The following LSAMP variants were observed in gnomAD, a reference collection of about 807,000 sequenced individuals.
LSAMP encodes the protein limbic system-associated membrane protein.
A neutral mutation model predicts 38.6 loss-of-function variants in LSAMP; 7 were observed. The ratio of observed to expected loss-of-function variants is 0.18; its 90% CI spans 0.10 to 0.34. The LOEUF (loss-of-function observed/expected upper bound fraction) is 0.34. LSAMP is among the 10% of genes least tolerant of loss of function. The pLI is 1.00. For synonymous variants in LSAMP, 154 were observed against 166.8 expected, an observed-to-expected ratio of 0.92 and a Z score of 0.59; for missense variants, 313 against 420.0, an observed-to-expected ratio of 0.75 and a Z score of 2.23.
intron 1 of LSAMP, among the ~76,000 whole-genome samples, chr3:116,296,567 C>T (rs866169397): frequency 6.6e-6 from 1 of 151,748 alleles, no homozygotes; most frequent in Non-Finnish European, 1.5e-5. Flanking sequence ...CCGTGGCGGG[C>T]GCCCGTAGTC....
chr3:116,073,632 C>T (rs1056222037), intron 2 of LSAMP, among the ~76,000 whole-genome samples: 7 of 152,120 alleles, frequency 4.6e-5, no homozygotes, highest in African/African-American at 1.4e-4. Flanking sequence ...CCTTCACTTC[C>T]CTTGTTGGAA....
intron 1 of LSAMP, among the ~76,000 whole-genome samples, chr3:116,288,446 G>A (rs1208876489): frequency 6.6e-6 from 1 of 152,202 alleles, no homozygotes; most frequent in Non-Finnish European, 1.5e-5. Context: ...GGATTAAAAT[G>A]TGTGTTCATT....
chr3:115,885,392 G>A (rs1028508675), intron 3 of LSAMP, among the ~76,000 whole-genome samples: 1 of 152,000 alleles, frequency 6.6e-6, no homozygotes, highest in African/African-American at 2.4e-5. Flanking sequence ...GATTGTCTAT[G>A]TGCCCAGGAG....
chr3:116,121,110 G>A (rs887897841), intron 1 of LSAMP, among the ~76,000 whole-genome samples: 1 of 152,174 alleles, frequency 6.6e-6, no homozygotes, highest in African/African-American at 2.4e-5. Context: ...TTTCATTTGT[G>A]TGCACTTTTC....
intron 1 of LSAMP, among the ~76,000 whole-genome samples, chr3:116,124,423 T>C (rs1239556128): frequency 6.6e-6 from 1 of 152,178 alleles, no homozygotes; most frequent in Non-Finnish European, 1.5e-5. Flanking sequence ...AATTATTCAG[T>C]GTGTGGTCTT....
intron 6 of LSAMP, among the ~76,000 whole-genome samples, chr3:115,823,562 A>C (rs570409105): frequency 7.9e-4 from 121 of 152,370 alleles, no homozygotes; most frequent in African/African-American, 2.8e-3. Flanking sequence ...CATATTTTTC[A>C]AATTCTTCCA....
chr3:116,001,136 C>T (rs1939977963), intron 3 of LSAMP, among the ~76,000 whole-genome samples: 1 of 151,532 alleles, frequency 6.6e-6, no homozygotes, highest in Admixed American at 6.6e-5. Flanking sequence ...CAATGATTAC[C>T]CCGAGGCAGT....
At position 115,808,427 on chromosome 3, in the gene LSAMP, G is replaced by A. The variant is rs562390474; in HGVS notation, c.*1890C>T. On this transcript the variant is annotated 3_prime_UTR_variant, in exon 7 of 7. Coordinates refer to ENST00000490035, the MANE Select transcript of LSAMP (RefSeq NM_002338.5). ...TCTGACAAAGACATCTATATGCAGAGAGCCAGCTCTCTCGGCAAGACATTT... is the reference window on the plus strand; with the variant it reads ...TCTGACAAAGACATCTATATGCAGAAAGCCAGCTCTCTCGGCAAGACATTT... 1 of 152,146 alleles carries A rather than the reference G, an allele frequency of 6.6e-6. No homozygotes were observed. The highest frequency in any genetic ancestry group is 2.1e-4 in the South Asian group (1 of 4,820). 9.4% of individuals were successfully genotyped at this position (152,146 alleles called of 1,614,324 possible).
At chr3:116,091,729 G>A (rs1166101093) in intron 1 of LSAMP, among the ~76,000 whole-genome samples, 1 of 152,154 alleles carries the variant, frequency 6.6e-6, no homozygotes, top group East Asian at 1.9e-4. Flanking sequence ...GTTATGTGTT[G>A]TTTTAATAGA....
At chr3:115,975,493 T>G (rs1360193156) in intron 3 of LSAMP, among the ~76,000 whole-genome samples, 1 of 152,190 alleles carries the variant, frequency 6.6e-6, no homozygotes, top group Non-Finnish European at 1.5e-5. Flanking sequence ...GACAGTAAGT[T>G]GTTTTCTGAG....
At chr3:116,445,483 ACAGCAGCAGCAG>A (rs889366161) in exon 1 of LSAMP, 3 of 415,330 alleles carry the variant, frequency 7.2e-6, no homozygotes, top group Non-Finnish European at 1.3e-5. Flanking sequence ...AAACAGCCAC[ACAGCAGCAGCAG>A]CAGCAGAAGC....
chr3:116,246,892 A>G (rs2046612217), intron 1 of LSAMP, among the ~76,000 whole-genome samples: 1 of 152,124 alleles, frequency 6.6e-6, no homozygotes, highest in Admixed American at 6.5e-5. Flanking sequence ...TAAGAAGGGT[A>G]GAGTGGGGTG....
chr3:116,164,793 G>T (rs1710008640), intron 1 of LSAMP, among the ~76,000 whole-genome samples: 3 of 126,386 alleles, frequency 2.4e-5, no homozygotes, highest in Middle Eastern at 7.5e-3. Context: ...ATCTAGCTTA[G>T]TAAGGCTGAT....
At chr3:116,374,451 A>T (rs2048469645) in intron 1 of LSAMP, among the ~76,000 whole-genome samples, 1 of 151,908 alleles carries the variant, frequency 6.6e-6, no homozygotes, top group African/African-American at 2.4e-5. Context: ...CTTAATAAGT[A>T]TTATGACAAC....
intron 3 of LSAMP, among the ~76,000 whole-genome samples, chr3:115,911,782 A>G (rs1937141326): frequency 6.6e-6 from 1 of 152,222 alleles, no homozygotes; most frequent in African/African-American, 2.4e-5. Context: ...ATGGCTATAC[A>G]ATTTTACATT....
chr3:116,210,416 C>T (rs953375030), intron 1 of LSAMP, among the ~76,000 whole-genome samples: 1 of 152,200 alleles, frequency 6.6e-6, no homozygotes, highest in African/African-American at 2.4e-5. Flanking sequence ...CTTCCGGCCT[C>T]CATCTTTCTC....
chr3:115,881,328 C>T (rs1225553768), intron 3 of LSAMP, among the ~76,000 whole-genome samples: 13 of 152,148 alleles, frequency 8.5e-5, no homozygotes, highest in Non-Finnish European at 1.9e-4. Flanking sequence ...CCTGTGCCTT[C>T]TAACATTTGA....
At chr3:116,128,360 G>A (rs996779072) in intron 1 of LSAMP, among the ~76,000 whole-genome samples, 12 of 152,294 alleles carry the variant, frequency 7.9e-5, no homozygotes, top group South Asian at 2.1e-4. Flanking sequence ...GTATCTGAGC[G>A]TCTGACTTCA....
chr3:115,994,651 A>G (rs1410100573), intron 3 of LSAMP, among the ~76,000 whole-genome samples: 1 of 152,084 alleles, frequency 6.6e-6, no homozygotes, highest in Non-Finnish European at 1.5e-5. Context: ...GGATTTCAAT[A>G]GATAAAAGAA....
Sources: allele counts gnomAD v4.1 joint callset (sites outside exome capture counted in the v4.1 genomes callset), GRCh38; gene constraint gnomAD v4.1.1; transcripts MANE v1.5; gene names NCBI Gene and HGNC (gene_info 2026-07-23, HGNC 2026-07-21).